KCNS3: variants seen among roughly 807,000 people sequenced by gnomAD.
KCNS3 encodes the protein delayed-rectifier potassium channel regulatory subunit KCNS3.
Under a neutral mutation model 31.0 loss-of-function variants are expected in KCNS3, and 13 were observed. The ratio of observed to expected loss-of-function variants is 0.42; its 90% CI spans 0.27 to 0.67. KCNS3 has a LOEUF of 0.67. Among genes scored for constraint, KCNS3 ranks in the 30% least tolerant of loss-of-function variants. KCNS3 has a pLI of 0.25. For missense variants in KCNS3, 545 were observed against 622.4 expected (o/e 0.88, Z 1.32); for synonymous variants, 238 against 241.5 (o/e 0.99, Z 0.13).
chr2:17,919,515 T>G (rs1222751707), intron 2 of KCNS3: 1 of 152,228 alleles, frequency 6.6e-6, no homozygotes, highest in African/African-American at 2.4e-5. Context: ...TCTTTCCCTC[T>G]TTTTTGCTAG....
intron 1 of KCNS3, among the ~76,000 whole-genome samples, chr2:17,904,337 T>G (rs1662262584): frequency 6.6e-6 from 1 of 152,210 alleles, no homozygotes; most frequent in Admixed American, 6.5e-5. Flanking sequence ...TTGTTGGAGT[T>G]CTTTGTATAT....
intron 2 of KCNS3, among the ~76,000 whole-genome samples, chr2:17,926,994 C>T (rs1287062476): frequency 1.3e-5 from 2 of 152,148 alleles, no homozygotes; most frequent in Admixed American, 6.5e-5. Flanking sequence ...CAATTTCAAA[C>T]GATCTTTTGT....
At position 17,896,022 on chromosome 2, in the gene KCNS3, A is replaced by G. The variant is rs547172864; in HGVS notation, c.-252+17216A>G. ...TTACATAGAGTATTGGCATATTCTGACCTATGTTTTTATTTCTTTTGTTTA... is the reference window on the plus strand; with the variant it reads ...TTACATAGAGTATTGGCATATTCTGGCCTATGTTTTTATTTCTTTTGTTTA... On this transcript the variant is annotated intron_variant, in intron 1 of 2. Transcript: ENST00000304101. 5.9e-5 allele frequency among the ~76,000 whole-genome samples: 9 copies of G among 152,110 alleles called. 1 individual carries two copies. In the East Asian group the frequency reaches 1.4e-3, roughly 23 times the overall value.
chr2:17,901,085 C>T (rs1259620767), intron 1 of KCNS3, among the ~76,000 whole-genome samples: 1 of 152,132 alleles, frequency 6.6e-6, no homozygotes, highest in African/African-American at 2.4e-5. Flanking sequence ...GATACCAACT[C>T]AAGCATTCTG....
chr2:17,903,831 C>G (rs928521595), intron 1 of KCNS3, among the ~76,000 whole-genome samples: 1 of 152,108 alleles, frequency 6.6e-6, no homozygotes, highest in African/African-American at 2.4e-5. Flanking sequence ...TGTATATGTG[C>G]CACATTTTCT....
At chr2:17,906,481 G>T (rs1356885590) in intron 1 of KCNS3, among the ~76,000 whole-genome samples, 12 of 152,134 alleles carry the variant, frequency 7.9e-5, no homozygotes, top group Non-Finnish European at 1.6e-4. Context: ...TGTGATCTTA[G>T]TTATTTCTTG....
At chr2:17,925,526 G>A (rs945468805) in intron 2 of KCNS3, among the ~76,000 whole-genome samples, 18 of 152,126 alleles carry the variant, frequency 1.2e-4, no homozygotes, top group East Asian at 5.8e-4. Flanking sequence ...TCACAGTTCC[G>A]CAGGGCTAGG....
intron 2 of KCNS3, among the ~76,000 whole-genome samples, chr2:17,928,639 GT>G (rs1662888705): frequency 6.7e-6 from 1 of 149,148 alleles, no homozygotes; most frequent in Admixed American, 6.7e-5. Context: ...TTCTCCATTT[GT>G]TTATTTGCAT....
At chr2:17,881,288 T>A (rs1314886742) in intron 1 of KCNS3, among the ~76,000 whole-genome samples, 1 of 152,214 alleles carries the variant, frequency 6.6e-6, no homozygotes, top group Non-Finnish European at 1.5e-5. Flanking sequence ...ACTCTGCTTA[T>A]CAGGTGTCAG....
intron 1 of KCNS3, among the ~76,000 whole-genome samples, chr2:17,909,046 C>T (rs953689229): frequency 7.2e-5 from 11 of 152,150 alleles, no homozygotes; most frequent in African/African-American, 2.2e-4. Context: ...TGGCTATGCC[C>T]GCCCCAGAGG....
chr2:17,894,324 G>A (rs1030124350), intron 1 of KCNS3, among the ~76,000 whole-genome samples: 1 of 152,060 alleles, frequency 6.6e-6, no homozygotes, highest in African/African-American at 2.4e-5. Flanking sequence ...TAGGAAGGGG[G>A]CCACACACTT....
intron 1 of KCNS3, among the ~76,000 whole-genome samples, chr2:17,884,888 C>G (rs931843655): frequency 2.0e-5 from 3 of 150,472 alleles, no homozygotes; most frequent in African/African-American, 7.3e-5. Context: ...TTGGTTCTGT[C>G]GCCAAATCTG....
intron 1 of KCNS3, among the ~76,000 whole-genome samples, chr2:17,893,940 G>GTTTTTTTTTTT (rs5829612): frequency 2.6e-4 from 26 of 98,904 alleles, no homozygotes; most frequent in African/African-American, 8.0e-4. Flanking sequence ...CCAGGAGCCA[G>GTTTTTTTTTTT]TTTTTTTTTT....
At chr2:17,884,297 A>G (rs901221875) in intron 1 of KCNS3, among the ~76,000 whole-genome samples, 5 of 134,978 alleles carry the variant, frequency 3.7e-5, no homozygotes, top group African/African-American at 1.1e-4. Flanking sequence ...ATATATATAT[A>G]TATATATTTA....
chr2:17,899,294 T>A (rs1662107336), intron 1 of KCNS3, among the ~76,000 whole-genome samples: 1 of 152,154 alleles, frequency 6.6e-6, no homozygotes, highest in African/African-American at 2.4e-5. Context: ...AGCACTTACA[T>A]AATGTGCGAG....
At chr2:17,889,076 ATTTG>A (rs1301277576) in intron 1 of KCNS3, among the ~76,000 whole-genome samples, 3 of 152,164 alleles carry the variant, frequency 2.0e-5, no homozygotes, top group Admixed American at 2.0e-4. Context: ...ATGTGTTTCC[ATTTG>A]TTTGTCTTGT....
intron 1 of KCNS3, among the ~76,000 whole-genome samples, chr2:17,901,382 A>G (rs1268640993): frequency 1.3e-5 from 2 of 152,224 alleles, no homozygotes; most frequent in Admixed American, 1.3e-4. Flanking sequence ...GCTTGCCCTC[A>G]GTGCTGGCTG....
intron 1 of KCNS3, among the ~76,000 whole-genome samples, chr2:17,882,179 A>C (rs1275192228): frequency 6.6e-6 from 1 of 152,184 alleles, no homozygotes; most frequent in Non-Finnish European, 1.5e-5. Flanking sequence ...GCTTGAACTT[A>C]TAGTGGATCT....
chr2:17,893,466 CAG>C lies in KCNS3; in HGVS notation c.-252+14663_-252+14664del, dbSNP rs541039258. Among the ~76,000 whole-genome samples, 396 of 152,338 alleles carry C rather than the reference CAG, an allele frequency of 2.6e-3. 1 individual carries two copies. The highest frequency in any genetic ancestry group is 4.4e-3 in the Non-Finnish European group (299 of 68,024). On this transcript the variant is annotated intron_variant, in intron 1 of 2. Transcript: ENST00000304101. ...GCTTCTCGCCCCGTTCAAATTGTTA[CAG>C]AGTTTGCCTAGAGAATTCCTTCTCC...
Sources: allele counts gnomAD v4.1 joint callset (sites outside exome capture counted in the v4.1 genomes callset), GRCh38; gene constraint gnomAD v4.1.1; transcripts MANE v1.5; gene names NCBI Gene and HGNC (gene_info 2026-07-23, HGNC 2026-07-21).